The following NBAS variants were observed in gnomAD, a reference collection of about 807,000 sequenced individuals.
The protein encoded by NBAS is NAG/BC035112 fusion.
In NBAS, 219 loss-of-function variants were observed where a neutral mutation model predicts 302.5. That is an observed-to-expected ratio of 0.72 (90% CI 0.65 to 0.81). NBAS has a LOEUF of 0.81. NBAS is among the 30% of genes least tolerant of loss of function. The probability of loss-of-function intolerance (pLI) is 0.00; values close to 1 mark genes in which losing one functional copy is unlikely to be tolerated. For synonymous variants in NBAS, 1,118 were observed against 1,021.6 expected, an observed-to-expected ratio of 1.09 and a Z score of -1.80; for missense variants, 2,932 against 2,841.6, an observed-to-expected ratio of 1.03 and a Z score of -0.72.
At chr2:15,417,351 A>T (rs893611978) in intron 24 of NBAS, among the ~76,000 whole-genome samples, 176 bp downstream of exon 24, 1 of 152,176 alleles carries the variant, frequency 6.6e-6, no homozygotes, top group African/African-American at 2.4e-5. Flanking sequence ...CAACCAAAAT[A>T]GTTTTATATG....
chr2:15,341,474 T>G (rs776779332), intron 35 of NBAS, among the ~76,000 whole-genome samples: 8 of 151,950 alleles, frequency 5.3e-5, no homozygotes, highest in Non-Finnish European at 1.0e-4. Flanking sequence ...GTAACTAAGA[T>G]AGAAAACTTG....
At chr2:15,082,992 C>T in the NBAS span, among the ~76,000 whole-genome samples, 9 of 152,314 alleles carry the variant, frequency 5.9e-5, no homozygotes, top group Admixed American at 5.2e-4. Flanking sequence ...AATTCCCCCC[C>T]ACCATGTTTT....
downstream of NBAS, among the ~76,000 whole-genome samples, chr2:15,166,456 T>G (rs891026638): frequency 2.0e-5 from 3 of 152,122 alleles, no homozygotes; most frequent in Non-Finnish European, 4.4e-5. Context: ...CACTAGTGAG[T>G]GGGACAGAGA....
intron 30 of NBAS, among the ~76,000 whole-genome samples, chr2:15,376,118 G>A (rs1416616809): frequency 1.3e-5 from 2 of 152,002 alleles, no homozygotes; most frequent in Non-Finnish European, 2.9e-5. Context: ...TGTATTGTTT[G>A]GATATCTATT....
the NBAS span, among the ~76,000 whole-genome samples, chr2:14,796,800 G>T: frequency 6.2e-4 from 94 of 151,134 alleles, no homozygotes; most frequent in Admixed American, 2.3e-3. Flanking sequence ...ATCAAATGTT[G>T]CCTTTTCCAT....
At chr2:15,327,653 A>G in intron 38 of NBAS, 97 bp downstream of exon 38, 1 of 1,453,520 alleles carries the variant, frequency 6.9e-7, no homozygotes. Flanking sequence ...ATTACTGAAA[A>G]ATTTCTTTTC....
the NBAS span, among the ~76,000 whole-genome samples, chr2:15,000,580 G>A: frequency 1.3e-5 from 2 of 152,120 alleles, no homozygotes; most frequent in African/African-American, 4.8e-5. Context: ...TTTATGTCCC[G>A]CCTACCTCCT....
chr2:14,854,819 A>G, the NBAS span, among the ~76,000 whole-genome samples: 14 of 152,182 alleles, frequency 9.2e-5, no homozygotes, highest in Admixed American at 7.2e-4. Context: ...TGTTTCTCCA[A>G]GTAAACTTGA....
chr2:15,417,657 A>G lies in NBAS; in HGVS notation c.2633T>C (p.Leu878Ser). 1 of 1,614,044 alleles carries G rather than the reference A, an allele frequency of 6.2e-7. No individual in the cohort carries two copies. The highest frequency in any genetic ancestry group is 8.5e-7 in the Non-Finnish European group (1 of 1,179,974). The change falls in exon 24 of 52, where the codon TTG becomes TCG. Residue 878 changes from leucine to serine, a missense_variant. Transcript: ENST00000281513. ...AACCAAATTGTCACAGAGAACCAGCAAACCAGGAATATTCCGCTCCATCCC... is the reference window on the plus strand; with the variant it reads ...AACCAAATTGTCACAGAGAACCAGCGAACCAGGAATATTCCGCTCCATCCC... ...RLGMERNIPG[L>S]LVLCDNLVTL...
At chr2:14,841,503 A>C in the NBAS span, among the ~76,000 whole-genome samples, 1 of 95,810 alleles carries the variant, frequency 1.0e-5, no homozygotes, top group Non-Finnish European at 1.9e-5. Flanking sequence ...CTGGAAACAA[A>C]AAAAAAAAAA....
the NBAS span, among the ~76,000 whole-genome samples, chr2:14,922,269 G>A: frequency 1.3e-5 from 2 of 152,232 alleles, no homozygotes; most frequent in African/African-American, 4.8e-5. Flanking sequence ...TAAGCAGGTA[G>A]GGCTGGATTC....
the NBAS span, among the ~76,000 whole-genome samples, chr2:15,067,653 T>C: frequency 6.6e-6 from 1 of 151,668 alleles, no homozygotes; most frequent in African/African-American, 2.4e-5. Context: ...GAGAGTAGAA[T>C]GGTGGCTTTT....
At chr2:15,158,980 T>A in the NBAS span, among the ~76,000 whole-genome samples, 1 of 152,138 alleles carries the variant, frequency 6.6e-6, no homozygotes, top group Admixed American at 6.5e-5. Context: ...TTGTCCTCTG[T>A]CAACAGGACC....
chr2:15,205,828 C>T (rs1666114254), intron 48 of NBAS, among the ~76,000 whole-genome samples: 1 of 152,130 alleles, frequency 6.6e-6, no homozygotes, highest in Admixed American at 6.5e-5. Flanking sequence ...TCTCCTTTAC[C>T]TTCTGTCATG....
At chr2:14,792,626 T>G in the NBAS span, among the ~76,000 whole-genome samples, 1 of 151,992 alleles carries the variant, frequency 6.6e-6, no homozygotes, top group Non-Finnish European at 1.5e-5. Context: ...AAATCCCACA[T>G]GTTAACCCTA....
At chr2:15,356,217 G>A in intron 33 of NBAS, 86 bp downstream of exon 33, 3 of 1,139,174 alleles carry the variant, frequency 2.6e-6, no homozygotes, top group Non-Finnish European at 4.0e-6. Flanking sequence ...TTACCAATCA[G>A]GTCAATTGAT....
intron 35 of NBAS, among the ~76,000 whole-genome samples, chr2:15,336,491 T>C (rs1246967417): frequency 2.0e-5 from 3 of 152,286 alleles, no homozygotes; most frequent in Non-Finnish European, 2.9e-5. Context: ...CCCAGCACTT[T>C]GGGAGGCTGA....
intron 38 of NBAS, among the ~76,000 whole-genome samples, chr2:15,327,407 T>C (rs1189792057): frequency 6.6e-6 from 1 of 152,188 alleles, no homozygotes. Context: ...AGATCAAATA[T>C]GATCTACATT....
chr2:15,346,545 CT>C (rs1253322315), intron 35 of NBAS, among the ~76,000 whole-genome samples: 1 of 152,178 alleles, frequency 6.6e-6, no homozygotes, highest in Non-Finnish European at 1.5e-5. Flanking sequence ...TGCTTTTACA[CT>C]GTTGGTGGGA....
Sources: gnomAD v4.1 joint callset for allele counts (sites outside exome capture counted in the v4.1 genomes callset) on GRCh38, gnomAD v4.1.1 for gene constraint, MANE v1.5 for transcripts, NCBI Gene and HGNC (gene_info 2026-07-23, HGNC 2026-07-21) for gene names.